The following DNAJB1 variants were observed in gnomAD, a reference collection of about 807,000 sequenced individuals.
DNAJB1 encodes DnaJ heat shock protein family (Hsp40) member B1.
Under a neutral mutation model 24.0 loss-of-function variants are expected in DNAJB1, and 14 were observed. The observed-to-expected ratio is 0.58, with a 90% CI of 0.39 to 0.91. DNAJB1 has a LOEUF of 0.91. DNAJB1 is among the 40% of genes least tolerant of loss of function. The pLI, the probability that DNAJB1 is intolerant of heterozygous loss-of-function variation, is 0.00. For synonymous variants in DNAJB1, 262 were observed against 174.4 expected (o/e 1.50, Z -3.96); for missense variants, 517 against 458.1 (o/e 1.13, Z -1.17).
chr19:14,551,965 C>CTCTCTCTCTT (rs2073535459), upstream of DNAJB1, among the ~76,000 whole-genome samples: 1 of 120,646 alleles, frequency 8.3e-6, no homozygotes, highest in Non-Finnish European at 1.7e-5. Flanking sequence ...CTCTCTCTCT[C>CTCTCTCTCTT]TCTCTCTTTC....
At chr19:14,544,635 CTTTTT>C (rs545193107) in intron 1 of DNAJB1, among the ~76,000 whole-genome samples, 4 of 134,200 alleles carry the variant, frequency 3.0e-5, no homozygotes, top group Non-Finnish European at 3.2e-5. Context: ...TTGGCCATTC[CTTTTT>C]TTTTTTTTTT....
chr19:14,551,572 G>C (rs1210628448), upstream of DNAJB1, among the ~76,000 whole-genome samples: 1 of 152,150 alleles, frequency 6.6e-6, no homozygotes, highest in Non-Finnish European at 1.5e-5. Context: ...ACGCGCCCCT[G>C]CTTTTCTAGG....
chr19:14,541,901 G>T (rs1388760824), intron 1 of DNAJB1, among the ~76,000 whole-genome samples: 1 of 151,692 alleles, frequency 6.6e-6, no homozygotes, highest in East Asian at 1.9e-4. Flanking sequence ...TCCTGCCTCA[G>T]CCTCCCGATT....
chr19:14,559,759 C>CGTTG (rs1173263231), intron 1 of DNAJB1, among the ~76,000 whole-genome samples: 2 of 150,198 alleles, frequency 1.3e-5, no homozygotes, highest in Non-Finnish European at 3.0e-5. Context: ...TGCACTCCAA[C>CGTTG]CTGGGCGACA....
At chr19:14,521,456 A>AAATAATAATAATAATAAT (rs111596555), upstream of DNAJB1, among the ~76,000 whole-genome samples, 505 of 143,112 alleles carry the variant, frequency 3.5e-3, no homozygotes, top group African/African-American at 0.011. Flanking sequence ...GAGAGTTTCA[A>AAATAATAATAATAATAAT]AATAATAATA....
chr19:14,559,266 A>G (rs2073835180), intron 1 of DNAJB1, among the ~76,000 whole-genome samples: 1 of 152,020 alleles, frequency 6.6e-6, no homozygotes, highest in East Asian at 1.9e-4. Context: ...TGCAGCCTCC[A>G]CCTCTGTCTC....
At chr19:14,553,961 G>A (rs751233381), upstream of DNAJB1, among the ~76,000 whole-genome samples, 10 of 152,178 alleles carry the variant, frequency 6.6e-5, no homozygotes, top group Non-Finnish European at 1.2e-4. Flanking sequence ...CCCCAGACTC[G>A]GGAGATGCTT....
chr19:14,517,320 G>C (rs746327822), intron 1 of DNAJB1: 11 of 407,746 alleles, frequency 2.7e-5, no homozygotes, highest in African/African-American at 2.0e-4. Context: ...CTCCTGGACT[G>C]ACCCATCCTC....
upstream of DNAJB1, chr19:14,518,505 T>A (rs2072320405): frequency 2.0e-6 from 1 of 498,582 alleles, no homozygotes; most frequent in Non-Finnish European, 2.9e-6. Context: ...CGCCGGCCAA[T>A]CGCCGCCGCC....
chr19:14,542,026 G>A (rs970314287), intron 1 of DNAJB1, among the ~76,000 whole-genome samples: 53 of 151,906 alleles, frequency 3.5e-4, no homozygotes, highest in African/African-American at 1.3e-3. Context: ...CAAGTGATCC[G>A]CCCACCTCGG....
Position 14,543,983 on chromosome 19 carries a change from C to G in DNAJB1, c.-214+6225G>C, listed in dbSNP as rs144196512. Among the ~76,000 whole-genome samples the G allele has an allele frequency of 9.5e-3, 1,447 of 152,150 alleles. 12 individuals carry two copies. The highest frequency in any genetic ancestry group is 0.017 in the Non-Finnish European group (1,163 of 68,010). Reference sequence around the variant, plus strand: ...GAACTCCTGACCTCAAATGATCCTCCCGCCTCAGCCTCCCAAAGTGCTAGG... The same window carrying G: ...GAACTCCTGACCTCAAATGATCCTCGCGCCTCAGCCTCCCAAAGTGCTAGG... On this transcript the variant is annotated intron_variant, in intron 1 of 3. Transcript: ENST00000676982.
chr19:14,520,841 A>G (rs1398491959), upstream of DNAJB1, among the ~76,000 whole-genome samples: 1 of 151,892 alleles, frequency 6.6e-6, no homozygotes, highest in African/African-American at 2.4e-5. Flanking sequence ...AAAATAAAAA[A>G]AATTAGCCGG....
intron 1 of DNAJB1, chr19:14,517,283 C>A: frequency 2.0e-6 from 1 of 512,182 alleles, no homozygotes; most frequent in Middle Eastern, 5.1e-4. Context: ...TAGGTGTTCA[C>A]CTCCAGGTGC....
intron 2 of DNAJB1, 76 bp downstream of exon 2, chr19:14,516,363 CTGGCACGCACCACACACCCCAACACAT>C (rs2072261789): frequency 8.8e-6 from 12 of 1,364,768 alleles, no homozygotes; most frequent in Non-Finnish European, 1.2e-5. Flanking sequence ...TGCCCCAAGC[CTGGCACGCACCACACACCCCAACACAT>C]TGGTTCAGCA....
chr19:14,531,378 C>G (rs181379047), upstream of DNAJB1: 4 of 152,270 alleles, frequency 2.6e-5, no homozygotes, highest in Admixed American at 2.6e-4. Flanking sequence ...ACCTCTGCCT[C>G]CTGCCCCCTT....
chr19:14,515,862 G>T lies in DNAJB1; in HGVS notation c.*78C>A. ...CCCTGGGCCCTCCCACCCTCTCATG[G>T]TCCACAACTGGTAGAAAGGTCCAGA... On this transcript the variant is annotated 3_prime_UTR_variant, in exon 3 of 3. Transcript: ENST00000254322. The T allele has an allele frequency of 7.0e-7, 1 of 1,432,496 alleles. No individual in the cohort carries two copies. Among genetic ancestry groups the T allele is most frequent in the East Asian group, 2.3e-5 (1 of 43,964 alleles). The allele number at this position is 1,432,496 out of a possible 1,614,324, so 88.7% of individuals were successfully genotyped here.
At position 14,540,835 on chromosome 19, in the gene DNAJB1, TTTTG is replaced by T. The variant is rs545326932; in HGVS notation, c.-214+9369_-214+9372del. 4.3e-3 allele frequency among the ~76,000 whole-genome samples: 647 copies of T among 152,186 alleles called. 10 individuals carry two copies. The highest frequency in any genetic ancestry group is 2.0e-3 in the Non-Finnish European group (134 of 67,994). ...TGTATCACTATGTCTGGCTGCTTTT[TTTTG>T]TTTGTTTGTTTGTTTGAGTTGGAGT... On this transcript the variant is annotated intron_variant, in intron 1 of 3. Transcript: ENST00000676982.
chr19:14,554,680 C>T (rs2073655453), upstream of DNAJB1, among the ~76,000 whole-genome samples: 1 of 152,142 alleles, frequency 6.6e-6, no homozygotes, highest in African/African-American at 2.4e-5. Context: ...CCTGCTCCTC[C>T]CTCCTTCCCT....
At chr19:14,555,735 G>A (rs371659924) in intron 1 of DNAJB1, among the ~76,000 whole-genome samples, 9 of 152,196 alleles carry the variant, frequency 5.9e-5, no homozygotes, top group East Asian at 1.9e-4. Flanking sequence ...GTCACCATGC[G>A]TGGACACAGC....
Sources: allele counts gnomAD v4.1 joint callset (sites outside exome capture counted in the v4.1 genomes callset), GRCh38; gene constraint gnomAD v4.1.1; transcripts MANE v1.5; gene names NCBI Gene and HGNC (gene_info 2026-07-23, HGNC 2026-07-21).